Variants in MRPL22 observed in about 807,000 individuals in gnomAD.
MRPL22 encodes mitochondrial ribosomal protein L22.
In MRPL22, 27 loss-of-function variants were observed where a neutral mutation model predicts 32.4. The observed-to-expected ratio is 0.83, with a 90% CI of 0.61 to 1.15. The LOEUF (loss-of-function observed/expected upper bound fraction) is 1.15, where lower values mean the gene tolerates loss of function less well. Among genes scored for constraint, MRPL22 ranks in the 50% most tolerant of loss-of-function variants. MRPL22 has a pLI of 0.00. For missense variants in MRPL22, 239 were observed against 260.2 expected, an observed-to-expected ratio of 0.92 and a Z score of 0.56; for synonymous variants, 86 against 87.3, an observed-to-expected ratio of 0.99 and a Z score of 0.08.
chr5:154,945,450 A>G (rs1448421395), intron 2 of MRPL22, among the ~76,000 whole-genome samples: 8 of 152,200 alleles, frequency 5.3e-5, no homozygotes, highest in African/African-American at 1.9e-4. Flanking sequence ...GTAAGCATCC[A>G]AGTAGAGATA....
intron 3 of MRPL22, among the ~76,000 whole-genome samples, chr5:154,951,191 T>C (rs1764556556): frequency 6.6e-6 from 1 of 152,228 alleles, no homozygotes; most frequent in Non-Finnish European, 1.5e-5. Flanking sequence ...TACTGATTTT[T>C]GACTCTGAGA....
Position 154,947,486 on chromosome 5 carries a change from T to C in MRPL22, c.78-3335T>C, listed in dbSNP as rs143536999. On this transcript the variant is annotated intron_variant, in intron 2 of 6. Transcript: ENST00000523037. ...TGAACTTGGGGTAAAAATGATACACTAGAATAGATTTGTTTGAGTCTTTGG... is the reference window on the plus strand; with the variant it reads ...TGAACTTGGGGTAAAAATGATACACCAGAATAGATTTGTTTGAGTCTTTGG... Among the ~76,000 whole-genome samples the C allele has an allele frequency of 2.4e-3, 369 of 152,302 alleles. 2 individuals are homozygous for C. The highest frequency in any genetic ancestry group is 8.3e-3 in the African/African-American group (344 of 41,564).
In MRPL22 at chr5:154,941,134, G is replaced by C. The variant is rs747355751; in HGVS notation, c.24G>C (p.Gln8His). The C allele has an allele frequency of 8.1e-6, 13 of 1,614,136 alleles. No individual in the cohort carries two copies. The East Asian group carries it at 2.9e-4, about 36-fold the overall frequency. ...AGATGGCGGCGGCAGTACTGGGACA[G>C]TTGGGTAAGGATTTCTTAGTGGTTA... MAAAVLG[Q>H]LGALWIHNLR... Residue 8 changes from glutamine to histidine, a missense_variant, in exon 1 of 7, where the codon CAG becomes CAC. Transcript: ENST00000523037.
rs144892927 is a variant in MRPL22, at chr5:154,959,949, C to T, written c.340-31C>T. Reference sequence around the variant, plus strand: ...AATTCCATTTTACTTCAGGTTTAGCCGTATAAATGCTTTTCTTTTTCTTAT... The same window carrying T: ...AATTCCATTTTACTTCAGGTTTAGCTGTATAAATGCTTTTCTTTTTCTTAT... On this transcript the variant is annotated intron_variant, in intron 5 of 6. Coordinates refer to ENST00000523037, the MANE Select transcript of MRPL22 (RefSeq NM_014180.4). 180 of 1,508,390 alleles carry T rather than the reference C, an allele frequency of 1.2e-4. No individual in the cohort carries two copies. The African/African-American group carries it at 1.5e-3, about 13-fold the overall frequency. The allele number at this position is 1,508,390 out of a possible 1,614,324, so 93.4% of individuals were successfully genotyped here.
chr5:154,956,451 C>G lies in MRPL22; in HGVS notation c.261+15C>G. On this transcript the variant is annotated intron_variant, in intron 4 of 6. Transcript: ENST00000523037. Reference sequence around the variant, plus strand: ...TGGCAAAATTGGTAAGCTGCAATGACTATTACCATATAATTAATAATTTAG... The same window carrying G: ...TGGCAAAATTGGTAAGCTGCAATGAGTATTACCATATAATTAATAATTTAG... The G allele has an allele frequency of 1.3e-6, 2 of 1,542,234 alleles. No individual in the cohort carries two copies. Among genetic ancestry groups the G allele is most frequent in the Non-Finnish European group, 1.8e-6 (2 of 1,119,838 alleles).
rs1764638409 is a variant in MRPL22 at position 154,956,975 on chromosome 5, G to A, written c.262-160G>A. The A allele has an allele frequency of 5.0e-6, 3 of 600,694 alleles. No individual in the cohort carries two copies. The Admixed American group carries it at 9.0e-5, about 18-fold the overall frequency. 37.2% of individuals were successfully genotyped at this position (600,694 alleles called of 1,614,324 possible). On this transcript the variant is annotated intron_variant, in intron 4 of 6. Coordinates refer to ENST00000523037, the MANE Select transcript of MRPL22 (RefSeq NM_014180.4). ...AATGTTTGTTTCATTTTGACTGAAA[G>A]AGAATAGTGTCTCCTCTCAAACTTG...
chr5:154,954,699 T>C (rs1359719460), intron 3 of MRPL22, among the ~76,000 whole-genome samples: 3 of 152,228 alleles, frequency 2.0e-5, no homozygotes, highest in Non-Finnish European at 4.4e-5. Flanking sequence ...GGATTACCAT[T>C]GTTTATATGT....
intron 6 of MRPL22, among the ~76,000 whole-genome samples, chr5:154,962,784 C>T (rs1764721647): frequency 6.6e-6 from 1 of 152,096 alleles, no homozygotes; most frequent in Non-Finnish European, 1.5e-5. Flanking sequence ...AAGTGAATCA[C>T]TTTAGGGAAA....
chr5:154,956,416 A>T lies in MRPL22; in HGVS notation c.241A>T (p.Met81Leu), dbSNP rs192214471. The T allele has an allele frequency of 3.7e-6, 6 of 1,610,422 alleles. No homozygotes were observed. In the African/African-American group the frequency reaches 6.7e-5, roughly 18 times the overall value. ...ACAAATAAAATATAGCAAAGACAAG[A>T]TGTGGTATTTGGCAAAATTGGTAAG... Reference protein sequence around the residue: ...RRQIKYSKDKMWYLAKLIRGM... With the variant: ...RRQIKYSKDKLWYLAKLIRGM... Residue 81 changes from methionine (M) to leucine (L), a missense_variant, in exon 4 of 7, where the codon ATG becomes TTG. Met to Leu is a conservative substitution (Grantham distance 15). Transcript: ENST00000523037.
At chr5:154,957,244 T>TG (rs34160483) in intron 5 of MRPL22, 32 bp downstream of exon 5, 3 of 1,520,918 alleles carry the variant, frequency 2.0e-6, no homozygotes, top group Non-Finnish European at 1.8e-6. Flanking sequence ...TGGTAGGGAA[T>TG]GGGGAACTGG....
At chr5:154,944,450 G>A (rs1764462232) in intron 2 of MRPL22, among the ~76,000 whole-genome samples, 2 of 152,120 alleles carry the variant, frequency 1.3e-5, no homozygotes, top group Non-Finnish European at 2.9e-5. Flanking sequence ...TTCCAACCAT[G>A]TGTAAAATTT....
intron 6 of MRPL22, among the ~76,000 whole-genome samples, chr5:154,962,057 T>C (rs1764712890): frequency 6.6e-6 from 1 of 152,240 alleles, no homozygotes; most frequent in African/African-American, 2.4e-5. Flanking sequence ...TCTTTTCATC[T>C]ACTTCTGTGT....
intron 6 of MRPL22, 56 bp from the exon 7 acceptor site, chr5:154,966,630 G>A: frequency 6.3e-7 from 1 of 1,577,874 alleles, no homozygotes; most frequent in South Asian, 1.1e-5. Context: ...TTGCTCAGCT[G>A]ATCAGGCTTG....
chr5:154,966,668 C>CT lies in MRPL22; in HGVS notation c.410-13dup. On this transcript the variant is annotated splice_polypyrimidine_tract_variant and intron_variant, in intron 6 of 6. Transcript: ENST00000523037. The stretch of plus-strand genomic sequence containing the variant: ...GATAACACTCATTTCCTGTAATTCT[C>CT]TTTTTCTTCCTGTTTAGCTGAGTCC... The CT allele has an allele frequency of 6.2e-7, 1 of 1,612,388 alleles. No individual in the cohort carries two copies. The highest frequency in any genetic ancestry group is 8.5e-7 in the Non-Finnish European group (1 of 1,179,532).
At chr5:154,960,619 G>A (rs2113544494) in intron 6 of MRPL22, among the ~76,000 whole-genome samples, 1 of 152,294 alleles carries the variant, frequency 6.6e-6, no homozygotes, top group East Asian at 1.9e-4. Flanking sequence ...TTACATGCTT[G>A]TTCCACATCA....
chr5:154,957,146 G>T lies in MRPL22; in HGVS notation c.273G>T (p.Met91Ile). ...CCCTTTAATTCTAGATACGAGGAAT[G>T]TCTATTGACCAGGCTTTGGCTCAGT... ...MWYLAKLIRG[M>I]SIDQALAQLE... The change falls in exon 5 of 7, where the codon ATG becomes ATT. Residue 91 changes from methionine to isoleucine, a missense_variant. Met to Ile is a conservative substitution (Grantham distance 10). Coordinates refer to ENST00000523037, the MANE Select transcript of MRPL22 (RefSeq NM_014180.4). 6.2e-7 allele frequency: 1 copy of T among 1,612,754 alleles called. No individual in the cohort carries two copies. The highest frequency in any genetic ancestry group is 8.5e-7 in the Non-Finnish European group (1 of 1,178,932).
At chr5:154,942,456 G>A (rs1764431957) in intron 2 of MRPL22, among the ~76,000 whole-genome samples, 1 of 152,150 alleles carries the variant, frequency 6.6e-6, no homozygotes, top group Non-Finnish European at 1.5e-5. Context: ...AAAATAGGAA[G>A]TAGTAGCTCT....
Position 154,960,036 on chromosome 5 carries a change from C to T in MRPL22, c.396C>T (p.Ser132=), listed in dbSNP as rs1764681550. The change falls in exon 6 of 7, where the codon TCC becomes TCT. Residue 132 remains serine, a synonymous_variant. Transcript: ENST00000523037. ...AVRDHNVEFR[S]NLYIAESTSG... ...GAGACCATAACGTGGAATTCAGGTC[C>T]AATTTATATATAGGTAAGATTTTTA... 1.9e-6 allele frequency: 3 copies of T among 1,607,592 alleles called. No homozygotes were observed. Among genetic ancestry groups the T allele is most frequent in the Non-Finnish European group, 2.6e-6 (3 of 1,174,886 alleles).
chr5:154,951,882 A>ATT lies in MRPL22; in HGVS notation c.195+961_195+962dup, dbSNP rs34804035. Reference sequence around the variant, plus strand: ...TTACCTGAGCTCTTTGAAATCACGTATTTTTTTTTTTTTTTTTTGAGATGG... The same window carrying ATT: ...TTACCTGAGCTCTTTGAAATCACGTATTTTTTTTTTTTTTTTTTTTGAGATGG... On this transcript the variant is annotated intron_variant, in intron 3 of 6. Transcript: ENST00000523037. 1.2e-3 allele frequency among the ~76,000 whole-genome samples: 153 copies of ATT among 123,082 alleles called. 2 individuals are homozygous for ATT. The Middle Eastern group carries it at 0.015, about 12-fold the overall frequency. 80.7% of individuals were successfully genotyped at this position (123,082 alleles called of 152,430 possible). A position where few individuals can be genotyped will look rare whatever the true frequency, so the allele number is the denominator to read the frequency against.
Sources: allele counts gnomAD v4.1 joint callset (sites outside exome capture counted in the v4.1 genomes callset), GRCh38; gene constraint gnomAD v4.1.1; transcripts MANE v1.5; gene names NCBI Gene and HGNC (gene_info 2026-07-23, HGNC 2026-07-21).